The following LTBP2 variants were observed in gnomAD, a reference collection of about 807,000 sequenced individuals.
The protein encoded by LTBP2 is latent transforming growth factor beta binding protein 2.
LTBP2 carries 103 observed loss-of-function variants against 210.6 expected under a neutral mutation model. That is an observed-to-expected ratio of 0.49 (90% CI 0.42 to 0.58). The LOEUF (loss-of-function observed/expected upper bound fraction) is 0.58. Ranked by LOEUF, LTBP2 falls within the 20% of genes least tolerant of loss-of-function variation. LTBP2 has a pLI of 0.00. For missense variants in LTBP2, 2,313 were observed against 2,494.5 expected, an observed-to-expected ratio of 0.93 and a Z score of 1.55; for synonymous variants, 1,007 against 1,015.0, an observed-to-expected ratio of 0.99 and a Z score of 0.15.
At chr14:74,506,243 C>T (rs1274264903) in intron 27 of LTBP2, 52 bp from the exon 28 acceptor site, 1 of 1,613,080 alleles carries the variant, frequency 6.2e-7, no homozygotes. Flanking sequence ...GCCCGTGCCC[C>T]CTGCCCCTGA....
chr14:74,524,612 C>T (rs1040841388), intron 15 of LTBP2, among the ~76,000 whole-genome samples: 10 of 152,136 alleles, frequency 6.6e-5, no homozygotes, highest in African/African-American at 2.4e-4. Flanking sequence ...CCCACACCCG[C>T]CCCTCGCCCC....
At chr14:74,530,854 T>C (rs1382285921) in intron 10 of LTBP2, among the ~76,000 whole-genome samples, 1 of 152,218 alleles carries the variant, frequency 6.6e-6, no homozygotes, top group Non-Finnish European at 1.5e-5. Flanking sequence ...TTGAGTTTGG[T>C]TTCTGTCACT....
Position 74,521,920 on chromosome 14 carries a change from C to T in LTBP2, c.2779G>A (p.Glu927Lys), listed in dbSNP as rs747481893. 1.2e-6 allele frequency: 2 copies of T among 1,614,166 alleles called. No individual in the cohort carries two copies. Among genetic ancestry groups the T allele is most frequent in the East Asian group, 2.2e-5 (1 of 44,880 alleles). Residue 927 changes from glutamate to lysine, a missense_variant, in exon 17 of 36, where the codon GAG becomes AAG. By Grantham distance (56) the Glu-to-Lys change is moderately conservative. Coordinates refer to ENST00000261978, the MANE Select transcript of LTBP2 (RefSeq NM_000428.3). ...YTLATSGATQ[E>K]CQDINECEQP... ...GGCGGGCTTGGCTTACCTTGACACT[C>T]CTGTGTCGCCCCTGAGGTGGCCAGA... is the stretch of plus-strand genomic sequence containing the variant.
intron 30 of LTBP2, among the ~76,000 whole-genome samples, 165 bp downstream of exon 30, chr14:74,504,613 G>A (rs2086958554): frequency 6.6e-6 from 1 of 152,244 alleles, no homozygotes; most frequent in East Asian, 1.9e-4. Context: ...GCTTGAGTCA[G>A]AACTTCCAGC....
At position 74,611,874 on chromosome 14, in the gene LTBP2, A is replaced by AGCGGCAGGAAGCCTCTCCAGGGGT; in HGVS notation, c.47_70dup (p.Pro23_Leu24insHisProTrpArgGlyPheLeuPro). ...CGCGCCCACGAAGAGAGCCAGGGTGAGCGGCAGGAAGCCTCTCCAGGGGTT... is the reference window on the plus strand; with the variant it reads ...CGCGCCCACGAAGAGAGCCAGGGTGAGCGGCAGGAAGCCTCTCCAGGGGTGCGGCAGGAAGCCTCTCCAGGGGTT... On this transcript the variant is annotated inframe_insertion, in exon 1 of 36. Coordinates refer to ENST00000261978, the MANE Select transcript of LTBP2 (RefSeq NM_000428.3). The AGCGGCAGGAAGCCTCTCCAGGGGT allele has an allele frequency of 6.2e-7, 1 of 1,608,412 alleles. No individual in the cohort carries two copies. Among genetic ancestry groups the AGCGGCAGGAAGCCTCTCCAGGGGT allele is most frequent in the East Asian group, 2.2e-5 (1 of 44,786 alleles).
At chr14:74,513,412 A>C (rs752035485) in intron 18 of LTBP2, among the ~76,000 whole-genome samples, 4 of 152,232 alleles carry the variant, frequency 2.6e-5, no homozygotes, top group Non-Finnish European at 5.9e-5. Flanking sequence ...ATTCTTCCAC[A>C]GAGACTGGCT....
At chr14:74,520,325 TTC>T (rs10572421) in intron 17 of LTBP2, among the ~76,000 whole-genome samples, 5,052 of 152,286 alleles carry the variant, frequency 0.033, 270 homozygotes, top group African/African-American at 0.12. Context: ...AGTGATTTGA[TTC>T]TGTTTCTAGC....
chr14:74,583,738 C>T (rs1212754871), intron 3 of LTBP2, among the ~76,000 whole-genome samples: 1 of 152,266 alleles, frequency 6.6e-6, no homozygotes, highest in Admixed American at 6.5e-5. Flanking sequence ...TTAACTTACA[C>T]TGATTGAGCA....
At chr14:74,608,596 G>T (rs1169778513) in intron 1 of LTBP2, among the ~76,000 whole-genome samples, 2 of 151,786 alleles carry the variant, frequency 1.3e-5, no homozygotes, top group African/African-American at 4.8e-5. Flanking sequence ...CATAATCCCA[G>T]TTACTAGGGA....
At chr14:74,599,084 A>G (rs534406263) in intron 2 of LTBP2, among the ~76,000 whole-genome samples, 4 of 152,356 alleles carry the variant, frequency 2.6e-5, no homozygotes, top group African/African-American at 9.6e-5. Flanking sequence ...TATCGCGTTC[A>G]TATCATTCAT....
intron 9 of LTBP2, among the ~76,000 whole-genome samples, chr14:74,533,657 C>T (rs1044840790): frequency 6.6e-6 from 1 of 152,194 alleles, no homozygotes; most frequent in Admixed American, 6.5e-5. Context: ...CTCCTGAACG[C>T]CCTTCCTTGT....
chr14:74,501,317 C>A, intron 35 of LTBP2, 124 bp downstream of exon 35: 1 of 1,449,964 alleles, frequency 6.9e-7, no homozygotes, highest in South Asian at 1.1e-5. Context: ...GCGCTTTCTT[C>A]CCTTCCAGCC....
At position 74,567,282 on chromosome 14, in the gene LTBP2, G is replaced by C. The variant is rs1375764009; in HGVS notation, c.831-11589C>G. ...CCACCCTCCAGCCCCCTCATGTGTT[G>C]GTCCACTGTGAACACTTTTCCACCG... On this transcript the variant is annotated intron_variant, in intron 3 of 35. Transcript: ENST00000261978. Among the ~76,000 whole-genome samples the C allele has an allele frequency of 3.3e-5, 5 of 152,294 alleles. No individual in the cohort carries two copies. The East Asian group carries it at 9.7e-4, about 29-fold the overall frequency.
At chr14:74,577,970 T>C (rs1398633441) in intron 3 of LTBP2, among the ~76,000 whole-genome samples, 1 of 151,878 alleles carries the variant, frequency 6.6e-6, no homozygotes, top group Non-Finnish European at 1.5e-5. Flanking sequence ...TCCAAGGGAC[T>C]TGAATGAGAA....
intron 28 of LTBP2, among the ~76,000 whole-genome samples, chr14:74,505,786 C>G (rs1040967603): frequency 1.3e-5 from 2 of 152,150 alleles, no homozygotes; most frequent in East Asian, 1.9e-4. Flanking sequence ...ATCTGCGGTC[C>G]CTGGGGCCAC....
chr14:74,547,099 C>A (rs1051744492), intron 8 of LTBP2, among the ~76,000 whole-genome samples: 1 of 152,256 alleles, frequency 6.6e-6, no homozygotes, highest in African/African-American at 2.4e-5. Context: ...TTGGGACAGG[C>A]AGGCCCTGTG....
At chr14:74,553,644 T>C (rs567330053) in intron 4 of LTBP2, among the ~76,000 whole-genome samples, 9 of 152,234 alleles carry the variant, frequency 5.9e-5, no homozygotes, top group African/African-American at 2.2e-4. Context: ...AGAAGACTTT[T>C]AAGCAAGACA....
rs2086910078 is a variant in LTBP2 at position 74,501,504 on chromosome 14, C to T, written c.5257G>A (p.Glu1753Lys). The change falls in exon 35 of 36, where the codon GAG becomes AAG. Residue 1753 changes from glutamate to lysine, a missense_variant. Glu to Lys is a moderately conservative substitution (Grantham distance 56). Transcript: ENST00000261978. ...TCAAAACAGTCACAGGTGTAGCCCT[C>T]CCGCACGCGCACACAGCGGCCATTC... is the stretch of plus-strand genomic sequence containing the variant. ...CENGRCVRVR[E>K]GYTCDCFEGF... 1 of 1,614,192 alleles carries T rather than the reference C, an allele frequency of 6.2e-7. No homozygotes were observed. The highest frequency in any genetic ancestry group is 2.2e-5 in the East Asian group (1 of 44,874).
intron 2 of LTBP2, among the ~76,000 whole-genome samples, chr14:74,600,463 A>T (rs1470407298): frequency 6.6e-6 from 1 of 152,148 alleles, no homozygotes; most frequent in Non-Finnish European, 1.5e-5. Context: ...GCCCCCACAC[A>T]CATGCACTGG....
Sources: gnomAD v4.1 joint callset for allele counts (sites outside exome capture counted in the v4.1 genomes callset) on GRCh38, gnomAD v4.1.1 for gene constraint, MANE v1.5 for transcripts, NCBI Gene and HGNC (gene_info 2026-07-23, HGNC 2026-07-21) for gene names.